Variants in MLIP observed in about 807,000 individuals in gnomAD.
MLIP encodes muscular LMNA interacting protein, also known as muscular LMNA-interacting protein.
MLIP carries 79 observed loss-of-function variants against 84.8 expected under a neutral mutation model. That is an observed-to-expected ratio of 0.93 (90% CI 0.78 to 1.12). The LOEUF (loss-of-function observed/expected upper bound fraction) is 1.12, where lower values mean the gene tolerates loss of function less well. Ranked by LOEUF, MLIP falls within the 50% of genes most tolerant of loss-of-function variation. The probability of loss-of-function intolerance (pLI) is 0.00; values close to 1 mark genes in which losing one functional copy is unlikely to be tolerated. For synonymous variants in MLIP, 504 were observed against 463.0 expected, an observed-to-expected ratio of 1.09 and a Z score of -1.14; for missense variants, 1,257 against 1,160.6, an observed-to-expected ratio of 1.08 and a Z score of -1.21.
chr6:54,153,600 C>A (rs1435490412), intron 5 of MLIP, among the ~76,000 whole-genome samples: 1 of 152,014 alleles, frequency 6.6e-6, no homozygotes, highest in Non-Finnish European at 1.5e-5. Context: ...GTAATCCCAG[C>A]ACTTTAGGAG....
At chr6:54,022,830 C>A (rs10948795) in intron 1 of MLIP, among the ~76,000 whole-genome samples, 83,923 of 151,906 alleles carry the variant, frequency 0.55, 25,334 homozygotes, top group Non-Finnish European at 0.69. Flanking sequence ...TGTCTCAAGA[C>A]AATTTTATCT....
chr6:54,081,144 A>T (rs1582093705), intron 1 of MLIP, among the ~76,000 whole-genome samples: 1 of 152,066 alleles, frequency 6.6e-6, no homozygotes, highest in African/African-American at 2.4e-5. Context: ...CTGATGCCTC[A>T]TTCTGCACCC....
Position 54,252,367 on chromosome 6 carries a change from T to TATATA in MLIP, c.2923-4939_2923-4935dup, listed in dbSNP as rs201055199. Among the ~76,000 whole-genome samples the TATATA allele has an allele frequency of 1.3e-3, 128 of 101,608 alleles. 2 individuals carry two copies. Among genetic ancestry groups the TATATA allele is most frequent in the African/African-American group, 4.9e-3 (73 of 14,874 alleles). 66.7% of individuals were successfully genotyped at this position (101,608 alleles called of 152,430 possible). A position where few individuals can be genotyped will look rare whatever the true frequency, so the allele number is the denominator to read the frequency against. On this transcript the variant is annotated intron_variant, in intron 12 of 13. Transcript: ENST00000502396. ...AATATAACTATAATATACCATATAC[T>TATATA]ATATAACTATAATATATTATAACAT... is the stretch of plus-strand genomic sequence containing the variant.
chr6:54,160,340 T>C (rs1582330342), intron 5 of MLIP, 27 bp from the exon 6 acceptor site: 13 of 1,594,184 alleles, frequency 8.2e-6, no homozygotes, highest in South Asian at 1.1e-5. Context: ...AGAAGCCTCA[T>C]ATAAGAACTA....
At chr6:54,104,319 A>C (rs9382287) in intron 1 of MLIP, among the ~76,000 whole-genome samples, 1,995 of 152,284 alleles carry the variant, frequency 0.013, 48 homozygotes, top group African/African-American at 0.042. Context: ...CTGCTTAAAA[A>C]CAAGATTTTA....
intron 1 of MLIP, among the ~76,000 whole-genome samples, chr6:54,116,837 A>C (rs1267549352): frequency 1.3e-5 from 2 of 152,206 alleles, no homozygotes; most frequent in Non-Finnish European, 2.9e-5. Flanking sequence ...TATATGCAAA[A>C]ATTTCAACAA....
chr6:54,093,586 A>C (rs639665), intron 1 of MLIP, among the ~76,000 whole-genome samples: 1 of 151,872 alleles, frequency 6.6e-6, no homozygotes, highest in Non-Finnish European at 1.5e-5. Flanking sequence ...TTAAAACACA[A>C]GTGGAATTTC....
intron 10 of MLIP, among the ~76,000 whole-genome samples, chr6:54,194,538 G>A (rs1038716308): frequency 5.3e-5 from 8 of 151,908 alleles, no homozygotes; most frequent in Non-Finnish European, 8.8e-5. Context: ...TACAACTATT[G>A]TAATCATTAT....
chr6:54,053,014 T>C (rs1257986764), intron 1 of MLIP, among the ~76,000 whole-genome samples: 1 of 152,224 alleles, frequency 6.6e-6, no homozygotes, highest in Non-Finnish European at 1.5e-5. Flanking sequence ...TTTCAGAGCA[T>C]TGTTGACTGC....
chr6:54,217,256 AG>A (rs1414405799), intron 11 of MLIP: 1 of 985,314 alleles, frequency 1.0e-6, no homozygotes, highest in Non-Finnish European at 1.2e-6. Flanking sequence ...TCCAAACCAC[AG>A]GAAAGGAAGT....
intron 1 of MLIP, among the ~76,000 whole-genome samples, chr6:54,030,172 T>A (rs1764045527): frequency 6.6e-6 from 1 of 152,232 alleles, no homozygotes; most frequent in Non-Finnish European, 1.5e-5. Context: ...TTTTATTAAC[T>A]TTTAATTGTA....
At chr6:54,218,396 A>AGTG (rs1342257648) in intron 11 of MLIP, among the ~76,000 whole-genome samples, 1 of 152,250 alleles carries the variant, frequency 6.6e-6, no homozygotes, top group Non-Finnish European at 1.5e-5. Context: ...ACACCTGTAT[A>AGTG]GTGCACTTAC....
At chr6:54,019,158 T>C in intron 1 of MLIP, 1 of 1,524,372 alleles carries the variant, frequency 6.6e-7, no homozygotes. Flanking sequence ...GCAACTGTCA[T>C]AGACTGGAAA....
chr6:54,145,489 T>C (rs942008991), intron 4 of MLIP, among the ~76,000 whole-genome samples: 2 of 151,940 alleles, frequency 1.3e-5, no homozygotes, highest in African/African-American at 4.8e-5. Context: ...AAATATTTCT[T>C]GGCCAGGCAT....
intron 3 of MLIP, among the ~76,000 whole-genome samples, chr6:54,133,609 A>T (rs1771564684): frequency 6.6e-6 from 1 of 152,212 alleles, no homozygotes. Context: ...ACATCAGGGA[A>T]AATTGAATAT....
chr6:54,207,104 C>T (rs1245059956), intron 11 of MLIP, among the ~76,000 whole-genome samples: 1 of 150,322 alleles, frequency 6.7e-6, no homozygotes, highest in African/African-American at 2.4e-5. Flanking sequence ...GGAAGGTTTA[C>T]GAACAGAGAT....
At chr6:54,044,634 A>C (rs1582020258) in intron 1 of MLIP, among the ~76,000 whole-genome samples, 1 of 146,866 alleles carries the variant, frequency 6.8e-6, no homozygotes, top group South Asian at 2.2e-4. Context: ...GCCGTGGTAG[A>C]CGTTTTTTTT....
Position 54,136,608 on chromosome 6 carries a change from G to A in MLIP, c.646-107G>A, listed in dbSNP as rs189296526. 532 of 1,084,484 alleles carry A rather than the reference G, an allele frequency of 4.9e-4. 1 individual carries two copies. In the African/African-American group the frequency reaches 7.6e-3, roughly 15 times the overall value. The allele number at this position is 1,084,484 out of a possible 1,614,324, so 67.2% of individuals were successfully genotyped here. Reference sequence around the variant, plus strand: ...CTTCATTTTTGTGGAGGTTTAAGATGCCTCCTTTTGTGTAAATTGTTTGTA... The same window carrying A: ...CTTCATTTTTGTGGAGGTTTAAGATACCTCCTTTTGTGTAAATTGTTTGTA... On this transcript the variant is annotated intron_variant, in intron 3 of 13. Transcript: ENST00000502396.
chr6:54,052,495 T>C (rs1765432047), intron 1 of MLIP, among the ~76,000 whole-genome samples: 1 of 152,182 alleles, frequency 6.6e-6, no homozygotes, highest in African/African-American at 2.4e-5. Context: ...TGTTTTTAGC[T>C]AAAGTTTGAA....
Sources: gnomAD v4.1 joint callset for allele counts (sites outside exome capture counted in the v4.1 genomes callset) on GRCh38, gnomAD v4.1.1 for gene constraint, MANE v1.5 for transcripts, NCBI Gene and HGNC (gene_info 2026-07-23, HGNC 2026-07-21) for gene names.